Variants in GALNTL6 observed in about 807,000 individuals in gnomAD.
GALNTL6 encodes the protein polypeptide N-acetylgalactosaminyltransferase like 6.
A neutral mutation model predicts 73.7 loss-of-function variants in GALNTL6; 46 were observed. That is an observed-to-expected ratio of 0.62 (90% CI 0.49 to 0.80). The LOEUF is 0.80. Among genes scored for constraint, GALNTL6 ranks in the 30% least tolerant of loss-of-function variants. The pLI is 0.00. For synonymous variants in GALNTL6, 259 were observed against 263.7 expected (o/e 0.98, Z 0.17); for missense variants, 604 against 755.0 (o/e 0.80, Z 2.34).
intron 5 of GALNTL6, among the ~76,000 whole-genome samples, chr4:172,737,037 TCA>T (rs1038744203): frequency 7.2e-5 from 11 of 152,238 alleles, no homozygotes; most frequent in Admixed American, 2.6e-4. Flanking sequence ...TTTATAAATT[TCA>T]CAGTCTTGGG....
chr4:171,940,547 C>T (rs535942617), intron 2 of GALNTL6, among the ~76,000 whole-genome samples: 3 of 152,156 alleles, frequency 2.0e-5, no homozygotes, highest in Admixed American at 1.3e-4. Flanking sequence ...AAGGGCCAGG[C>T]GCAGTGGCTC....
intron 2 of GALNTL6, among the ~76,000 whole-genome samples, chr4:171,907,628 G>A (rs1299828106): frequency 6.6e-6 from 1 of 151,808 alleles, no homozygotes; most frequent in Non-Finnish European, 1.5e-5. Context: ...TTTCTTCATA[G>A]AATTGGAAAA....
At chr4:172,558,830 A>T (rs566498395) in intron 5 of GALNTL6, among the ~76,000 whole-genome samples, 51 of 152,264 alleles carry the variant, frequency 3.3e-4, no homozygotes, top group African/African-American at 1.2e-3. Flanking sequence ...CGAAAATATA[A>T]GTTGATCAAA....
intron 2 of GALNTL6, among the ~76,000 whole-genome samples, chr4:172,100,913 A>G (rs1490085370): frequency 3.3e-5 from 5 of 152,166 alleles, no homozygotes; most frequent in Admixed American, 1.3e-4. Context: ...GGGCAATTAG[A>G]AGATTCATTA....
At chr4:171,843,867 C>T (rs1735305552) in intron 2 of GALNTL6, among the ~76,000 whole-genome samples, 1 of 152,036 alleles carries the variant, frequency 6.6e-6, no homozygotes, top group South Asian at 2.1e-4. Flanking sequence ...TGCTGATTTT[C>T]TATTAATGAT....
chr4:172,565,608 C>T (rs1736524885), intron 5 of GALNTL6, among the ~76,000 whole-genome samples: 2 of 152,106 alleles, frequency 1.3e-5, no homozygotes, highest in South Asian at 4.1e-4. Context: ...CATGGTAATG[C>T]TGGTTTCATA....
intron 2 of GALNTL6, among the ~76,000 whole-genome samples, chr4:172,194,360 A>G (rs1735684109): frequency 6.6e-6 from 1 of 152,236 alleles, no homozygotes; most frequent in African/African-American, 2.4e-5. Flanking sequence ...GTAGAACAGA[A>G]CCAAGTTGGA....
intron 2 of GALNTL6, among the ~76,000 whole-genome samples, chr4:172,129,138 T>C (rs1318431114): frequency 1.3e-5 from 2 of 152,212 alleles, no homozygotes; most frequent in East Asian, 3.8e-4. Context: ...TTTAAGACTC[T>C]TATCTCTTAT....
intron 5 of GALNTL6, among the ~76,000 whole-genome samples, chr4:172,792,007 T>A (rs972125649): frequency 1.3e-5 from 2 of 152,172 alleles, no homozygotes; most frequent in African/African-American, 4.8e-5. Flanking sequence ...TCTCACTGCC[T>A]AGAGGGCATA....
intron 5 of GALNTL6, among the ~76,000 whole-genome samples, chr4:172,355,276 G>C (rs115206739): frequency 0.019 from 2,889 of 151,996 alleles, 83 homozygotes; most frequent in African/African-American, 0.064. Flanking sequence ...AGATATATTT[G>C]CTGAACCATG....
intron 2 of GALNTL6, among the ~76,000 whole-genome samples, chr4:171,840,868 T>C (rs549072163): frequency 2.0e-5 from 3 of 152,262 alleles, no homozygotes; most frequent in Admixed American, 6.5e-5. Flanking sequence ...TTCTCCCCCA[T>C]TGGAAAATTG....
chr4:172,647,976 G>A (rs921698393), intron 5 of GALNTL6, among the ~76,000 whole-genome samples: 2 of 152,170 alleles, frequency 1.3e-5, no homozygotes, highest in Non-Finnish European at 2.9e-5. Flanking sequence ...ACAAGGCTGA[G>A]TTTGTTGCTG....
rs937660361 is a variant in GALNTL6, at chr4:173,041,293, T to G, written c.*1193T>G. 6.6e-6 allele frequency: 1 copy of G among 152,060 alleles called. No homozygotes were observed. The highest frequency in any genetic ancestry group is 3.2e-3 in the Middle Eastern group (1 of 316). The allele number at this position is 152,060 out of a possible 1,614,324, so 9.4% of individuals were successfully genotyped here. A position where few individuals can be genotyped will look rare whatever the true frequency, so the allele number is the denominator to read the frequency against. On this transcript the variant is annotated 3_prime_UTR_variant, in exon 13 of 13. Transcript: ENST00000506823. ...ATTAATAAAGTGTTTCTGACACCAT[T>G]TTCTGTTAATGGGACAATATTTCGG...
rs1553968249 is a variant in GALNTL6, at chr4:171,899,077, T to TATTTAGTATTTATTAATACTAAGTAAAA, written c.138+84381_138+84382insGTAAAAATTTAGTATTTATTAATACTAA. Reference sequence around the variant, plus strand: ...GAAATTGTACTTTTAGTATTACTTTTATTTAGTATTTATTAATACTAAATA... The same window carrying TATTTAGTATTTATTAATACTAAGTAAAA: ...GAAATTGTACTTTTAGTATTACTTTTATTTAGTATTTATTAATACTAAGTAAAAATTTAGTATTTATTAATACTAAATA... On this transcript the variant is annotated intron_variant, in intron 2 of 12. Coordinates refer to ENST00000506823, the MANE Select transcript of GALNTL6 (RefSeq NM_001034845.3). 5.1e-3 allele frequency among the ~76,000 whole-genome samples: 742 copies of TATTTAGTATTTATTAATACTAAGTAAAA among 145,354 alleles called. 3 individuals carry two copies. Among genetic ancestry groups the TATTTAGTATTTATTAATACTAAGTAAAA allele is most frequent in the Non-Finnish European group, 8.1e-3 (536 of 66,410 alleles).
intron 2 of GALNTL6, among the ~76,000 whole-genome samples, chr4:171,991,743 T>TAC (rs1740342976): frequency 6.8e-6 from 1 of 146,850 alleles, no homozygotes; most frequent in Admixed American, 6.9e-5. Context: ...TATATATATA[T>TAC]ATATATATAT....
At chr4:172,624,249 T>G (rs1682140893) in intron 5 of GALNTL6, among the ~76,000 whole-genome samples, 1 of 152,028 alleles carries the variant, frequency 6.6e-6, no homozygotes. Context: ...CAGGAGTGCT[T>G]TTTTGTTGTT....
At chr4:172,845,139 ACC>A (rs1487882973) in intron 7 of GALNTL6, among the ~76,000 whole-genome samples, 1 of 150,760 alleles carries the variant, frequency 6.6e-6, no homozygotes, top group Non-Finnish European at 1.5e-5. Context: ...AATCGCTTGA[ACC>A]CAGGAGGCGG....
chr4:172,244,612 C>T (rs934040298), intron 3 of GALNTL6, among the ~76,000 whole-genome samples: 4 of 152,064 alleles, frequency 2.6e-5, no homozygotes, highest in African/African-American at 9.7e-5. Context: ...TAGTGTTTGT[C>T]TTGCATATAG....
intron 2 of GALNTL6, among the ~76,000 whole-genome samples, chr4:172,157,735 C>G (rs1221086085): frequency 6.6e-6 from 1 of 152,074 alleles, no homozygotes; most frequent in Non-Finnish European, 1.5e-5. Context: ...TACGAAGAAC[C>G]TACATTTCAT....
Sources: gnomAD v4.1 joint callset for allele counts (sites outside exome capture counted in the v4.1 genomes callset) on GRCh38, gnomAD v4.1.1 for gene constraint, MANE v1.5 for transcripts, NCBI Gene and HGNC (gene_info 2026-07-23, HGNC 2026-07-21) for gene names.